The following SUPT20H variants were observed in gnomAD, a reference collection of about 807,000 sequenced individuals.
SUPT20H encodes transcription factor SPT20 homolog.
SUPT20H carries 82 observed loss-of-function variants against 122.8 expected under a neutral mutation model. The observed-to-expected ratio is 0.67, with a 90% CI of 0.56 to 0.80. The LOEUF is 0.80. Ranked by LOEUF, SUPT20H falls within the 30% of genes least tolerant of loss-of-function variation. The pLI, the probability that SUPT20H is intolerant of heterozygous loss-of-function variation, is 0.00. For synonymous variants in SUPT20H, 291 were observed against 313.0 expected (o/e 0.93, Z 0.74); for missense variants, 831 against 921.6 (o/e 0.90, Z 1.27).
At chr13:37,049,197 C>CA (rs996292174) in intron 2 of SUPT20H, among the ~76,000 whole-genome samples, 1 of 152,028 alleles carries the variant, frequency 6.6e-6, no homozygotes, top group African/African-American at 2.4e-5. Context: ...AATATGCTAT[C>CA]AATTCTAAGA....
At chr13:37,031,039 T>G (rs936068002) in intron 12 of SUPT20H, among the ~76,000 whole-genome samples, 1 of 152,154 alleles carries the variant, frequency 6.6e-6, no homozygotes, top group African/African-American at 2.4e-5. Context: ...CATCAAAATA[T>G]CCCTTTTTTG....
intron 12 of SUPT20H, 150 bp from the exon 13 acceptor site, chr13:37,029,986 A>G: frequency 1.8e-6 from 1 of 570,520 alleles, no homozygotes; most frequent in Non-Finnish European, 2.9e-6. Context: ...GGTATCAACT[A>G]CTTATGCTTA....
At chr13:37,013,412 T>G (rs1414482746) in intron 23 of SUPT20H, 1 of 151,668 alleles carries the variant, frequency 6.6e-6, no homozygotes, top group East Asian at 1.9e-4. Context: ...ATTGAAACAA[T>G]TGGATACTGA....
intron 6 of SUPT20H, 124 bp from the exon 7 acceptor site, chr13:37,044,305 C>A (rs2066013600): frequency 2.3e-5 from 13 of 564,876 alleles, no homozygotes; most frequent in South Asian, 1.1e-4. Context: ...AAGCAAGGAT[C>A]AAAAAAAATA....
intron 1 of SUPT20H, among the ~76,000 whole-genome samples, chr13:37,053,622 A>G (rs1050052602): frequency 1.5e-4 from 23 of 152,140 alleles, no homozygotes; most frequent in African/African-American, 5.3e-4. Flanking sequence ...GCAAACCACC[A>G]TGGCACATGT....
chr13:37,033,625 A>G (rs750769671), intron 9 of SUPT20H, 37 bp from the exon 10 acceptor site: 1 of 1,596,454 alleles, frequency 6.3e-7, no homozygotes, highest in Non-Finnish European at 8.5e-7. Flanking sequence ...TACCAGATTT[A>G]AGATTTTCAA....
At chr13:37,038,133 C>T (rs2064845829) in intron 9 of SUPT20H, 1 of 151,554 alleles carries the variant, frequency 6.6e-6, no homozygotes, top group Non-Finnish European at 1.5e-5. Context: ...AATTGACTGT[C>T]TCATCTTCAA....
At chr13:37,012,008 T>TA (rs1159779895) in intron 24 of SUPT20H, among the ~76,000 whole-genome samples, 184 bp downstream of exon 24, 1 of 152,194 alleles carries the variant, frequency 6.6e-6, no homozygotes, top group African/African-American at 2.4e-5. Flanking sequence ...TCAAAGCTCT[T>TA]AATCCACTAT....
intron 16 of SUPT20H, 88 bp from the exon 17 acceptor site, chr13:37,025,525 G>C: frequency 1.2e-6 from 1 of 825,330 alleles, no homozygotes; most frequent in Non-Finnish European, 1.9e-6. Context: ...GACTATTAAT[G>C]GCAAAAAGAA....
At chr13:37,041,449 T>C (rs2065449649) in intron 7 of SUPT20H, among the ~76,000 whole-genome samples, 1 of 148,940 alleles carries the variant, frequency 6.7e-6, no homozygotes, top group African/African-American at 2.5e-5. Flanking sequence ...ACCCAGGCGG[T>C]GGGGCTTGCA....
chr13:37,023,742 T>C lies in SUPT20H; in HGVS notation c.1591+293A>G, dbSNP rs936167731. The C allele has an allele frequency of 4.8e-5, 11 of 229,080 alleles. No homozygotes were observed. The East Asian group carries it at 9.7e-4, about 20-fold the overall frequency. 14.2% of individuals were successfully genotyped at this position (229,080 alleles called of 1,614,324 possible). On this transcript the variant is annotated intron_variant, in intron 19 of 25. Transcript: ENST00000350612. ...TGGAATAAAAAATATTTTGAAATCT[T>C]ATTGCCACATGTAACTACCAGGTTA...
intron 1 of SUPT20H, among the ~76,000 whole-genome samples, chr13:37,054,287 A>G (rs1326653909): frequency 3.3e-5 from 5 of 152,236 alleles, no homozygotes; most frequent in Non-Finnish European, 5.9e-5. Context: ...CATCATCCTG[A>G]TACCAAAGCC....
chr13:37,056,166 G>T (rs532869535), intron 1 of SUPT20H, among the ~76,000 whole-genome samples: 70 of 152,338 alleles, frequency 4.6e-4, no homozygotes, highest in Non-Finnish European at 9.4e-4. Flanking sequence ...CATTGTTGGT[G>T]GGACTGTAAA....
chr13:37,020,295 C>G lies in SUPT20H; in HGVS notation c.1817-898G>C, dbSNP rs551733149. On this transcript the variant is annotated intron_variant, in intron 21 of 25. Transcript: ENST00000350612. ...AAACTGAAATTTGGCAAAAATATCC[C>G]TTTCTGGAAAAATTCTCATTTAAGA... is the stretch of plus-strand genomic sequence containing the variant. Among the ~76,000 whole-genome samples, 466 of 152,028 alleles carry G rather than the reference C, an allele frequency of 3.1e-3. 3 individuals are homozygous for G. Among genetic ancestry groups the G allele is most frequent in the Non-Finnish European group, 4.3e-3 (292 of 67,964 alleles).
rs928160498 is a variant in SUPT20H at position 37,022,964 on chromosome 13, T to C, written c.1592-884A>G. On this transcript the variant is annotated intron_variant, in intron 19 of 25. Coordinates refer to ENST00000350612, the MANE Select transcript of SUPT20H (RefSeq NM_001014286.3). This position sits in a 1 kb window ranked among gnomAD's most constrained non-coding sequence, Gnocchi z 4.5. ...AAGTATGCACAGTTTATCAATTTTT[T>C]AAAAAACAAAAACAAAAAACAAAAA... is the stretch of plus-strand genomic sequence containing the variant. 2.4e-6 allele frequency: 3 copies of C among 1,246,196 alleles called. No homozygotes were observed. The highest frequency in any genetic ancestry group is 3.1e-6 in the Non-Finnish European group (3 of 968,820). 77.2% of individuals were successfully genotyped at this position (1,246,196 alleles called of 1,614,324 possible).
chr13:37,021,977 T>TAA, intron 20 of SUPT20H, 34 bp downstream of exon 20: 4 of 1,384,396 alleles, frequency 2.9e-6, no homozygotes, highest in South Asian at 1.5e-5. Context: ...ACTATCTTTA[T>TAA]AAAAAAAAAA....
Position 37,029,762 on chromosome 13 carries a change from T to C in SUPT20H, c.993+3A>G, listed in dbSNP as rs763273443. 2 of 1,596,100 alleles carry C rather than the reference T, an allele frequency of 1.3e-6. No homozygotes were observed. The highest frequency in any genetic ancestry group is 8.5e-7 in the Non-Finnish European group (1 of 1,172,986). ...GAAACAGAGACAGGCAATGATTTCT[T>C]ACATGGGCTGGCCAGACTGTTGGCT... On this transcript the variant is annotated splice_donor_region_variant and intron_variant, in intron 13 of 25. Coordinates refer to ENST00000350612, the MANE Select transcript of SUPT20H (RefSeq NM_001014286.3).
At chr13:37,055,384 A>G (rs1335270798) in intron 1 of SUPT20H, among the ~76,000 whole-genome samples, 1 of 152,156 alleles carries the variant, frequency 6.6e-6, no homozygotes, top group Non-Finnish European at 1.5e-5. Flanking sequence ...AGGCTACATT[A>G]ACCAAAACAG....
chr13:37,031,996 T>C, intron 10 of SUPT20H, 101 bp from the exon 11 acceptor site: 5 of 1,042,026 alleles, frequency 4.8e-6, no homozygotes, highest in Non-Finnish European at 6.7e-6. Context: ...AAATCGTGTT[T>C]ATAGAACACT....
Sources: gnomAD v4.1 joint callset for allele counts (sites outside exome capture counted in the v4.1 genomes callset) on GRCh38, gnomAD v4.1.1 for gene constraint, Gnocchi (gnomAD v3.1) non-coding constraint, MANE v1.5 for transcripts, NCBI Gene and HGNC (gene_info 2026-07-23, HGNC 2026-07-21) for gene names.